The following CPSF4L variants were observed in gnomAD, a reference collection of about 807,000 sequenced individuals.
The protein encoded by CPSF4L is putative cleavage and polyadenylation specificity factor subunit 4-like protein.
Under a neutral mutation model 24.0 loss-of-function variants are expected in CPSF4L, and 18 were observed. The ratio of observed to expected loss-of-function variants is 0.75; its 90% CI spans 0.52 to 1.11. CPSF4L has a LOEUF of 1.11. Among genes scored for constraint, CPSF4L ranks in the 50% least tolerant of loss-of-function variants. CPSF4L has a pLI of 0.00. For synonymous variants in CPSF4L, 72 were observed against 77.2 expected (o/e 0.93, Z 0.35); for missense variants, 211 against 221.8 (o/e 0.95, Z 0.31).
At chr17:73,250,237 T>C in intron 5 of CPSF4L, 4 of 1,549,758 alleles carry the variant, frequency 2.6e-6, no homozygotes, top group East Asian at 2.4e-5. Flanking sequence ...GACCATAGGT[T>C]AGTTTTTAAT....
chr17:73,246,050 A>G (rs780122033), downstream of CPSF4L, among the ~76,000 whole-genome samples: 1 of 152,082 alleles, frequency 6.6e-6, no homozygotes, highest in Non-Finnish European at 1.5e-5. Flanking sequence ...AGTAACTTGG[A>G]TACTTACAGG....
rs761072945 is a variant in CPSF4L at position 73,261,003 on chromosome 17, C to T, written c.104-20G>A. 1.4e-4 allele frequency: 214 copies of T among 1,547,568 alleles called. No individual in the cohort carries two copies. Among genetic ancestry groups the T allele is most frequent in the Non-Finnish European group, 1.8e-4 (203 of 1,144,076 alleles). ...CCGACTCTGGAAGGAGAAGAGGGAA[C>T]GGAGAAGGTAGCTTCCCCAGAGGCT... On this transcript the variant is annotated intron_variant, in intron 1 of 5. Transcript: ENST00000344935.
chr17:73,245,296 G>A, downstream of CPSF4L: 2 of 1,457,646 alleles, frequency 1.4e-6, no homozygotes, highest in South Asian at 2.9e-5. Context: ...TTTGGGACAG[G>A]GAGAGGGGAG....
intron 5 of CPSF4L, chr17:73,250,186 G>A: frequency 1.3e-6 from 2 of 1,513,546 alleles, no homozygotes; most frequent in Non-Finnish European, 8.9e-7. Context: ...TGGAACTTGG[G>A]AAACAGAATC....
chr17:73,257,765 G>T lies in CPSF4L; in HGVS notation c.223C>A (p.Leu75Ile). The change falls in exon 3 of 6, where the codon CTC becomes ATC. Residue 75 changes from leucine to isoleucine, a missense_variant. Transcript: ENST00000344935. ...TTGCAGTGATCACCCTTCTTGCAGA[G>T]CCCCCGGAGCCAGTGCTTGCATACC... ...MVVCKHWLRGLCKKGDHCKFL... is the reference protein window; with the variant it reads ...MVVCKHWLRGICKKGDHCKFL... 1 of 1,551,596 alleles carries T rather than the reference G, an allele frequency of 6.4e-7. No individual in the cohort carries two copies. The highest frequency in any genetic ancestry group is 8.7e-7 in the Non-Finnish European group (1 of 1,146,972).
At chr17:73,248,141 T>C (rs553480344), downstream of CPSF4L, 1 of 248,982 alleles carries the variant, frequency 4.0e-6, no homozygotes, top group East Asian at 9.7e-5. Flanking sequence ...TGAGGATACA[T>C]TTTTCGCTCA....
intron 5 of CPSF4L, among the ~76,000 whole-genome samples, chr17:73,249,122 CAT>C (rs2061990467): frequency 1.3e-5 from 2 of 152,236 alleles, no homozygotes; most frequent in South Asian, 4.1e-4. Flanking sequence ...AGAAGTCTTA[CAT>C]GTGTTAATTC....
downstream of CPSF4L, chr17:73,248,425 GGA>G: frequency 7.5e-7 from 1 of 1,327,584 alleles, no homozygotes. Flanking sequence ...TGCTGCAGAA[GGA>G]GGGGGTAAAA....
chr17:73,245,077 C>A, downstream of CPSF4L: 1 of 1,250,644 alleles, frequency 8.0e-7, no homozygotes, highest in Non-Finnish European at 1.1e-6. Context: ...ACTTATAAAA[C>A]AAAAAGAGAA....
chr17:73,248,693 C>G (rs1691265788), intron 5 of CPSF4L, 157 bp from the exon 6 acceptor site: 1 of 757,050 alleles, frequency 1.3e-6, no homozygotes, highest in African/African-American at 1.7e-5. Flanking sequence ...TGGGAATATT[C>G]ACGGACATGC....
At chr17:73,261,976 C>A (rs2062048694), upstream of CPSF4L, 3 of 626,362 alleles carry the variant, frequency 4.8e-6, no homozygotes, top group Admixed American at 2.6e-5. Flanking sequence ...CCAGCCTGGG[C>A]TGTACAGGAG....
At chr17:73,253,082 C>T (rs577212628) in intron 4 of CPSF4L, among the ~76,000 whole-genome samples, 11 of 152,210 alleles carry the variant, frequency 7.2e-5, no homozygotes, top group East Asian at 1.9e-4. Context: ...CTGACCTGGC[C>T]GGGTGGGGTG....
intron 2 of CPSF4L, among the ~76,000 whole-genome samples, chr17:73,258,554 A>G (rs1434126803): frequency 6.7e-6 from 1 of 149,930 alleles, no homozygotes; most frequent in African/African-American, 2.5e-5. Flanking sequence ...CATCCGCCTC[A>G]GCCTCCCAAA....
chr17:73,261,973 G>A, upstream of CPSF4L: 3 of 626,674 alleles, frequency 4.8e-6, no homozygotes, highest in East Asian at 8.3e-5. Flanking sequence ...GCTCCAGCCT[G>A]GGCTGTACAG....
At chr17:73,245,687 T>TG, downstream of CPSF4L, 3 of 985,400 alleles carry the variant, frequency 3.0e-6, no homozygotes, top group Non-Finnish European at 3.6e-6. Context: ...TGATAAGGTG[T>TG]GAGAAACACA....
chr17:73,249,724 T>G (rs2061995925), intron 5 of CPSF4L: 1 of 152,164 alleles, frequency 6.6e-6, no homozygotes, highest in African/African-American at 2.4e-5. Flanking sequence ...CCGTTAAATT[T>G]TTGTGTTACT....
At chr17:73,245,238 A>G (rs2061932946), downstream of CPSF4L, 1 of 1,610,904 alleles carries the variant, frequency 6.2e-7, no homozygotes, top group Non-Finnish European at 8.5e-7. Context: ...AAGGGCGTAC[A>G]GTGGAGACGA....
chr17:73,243,041 C>CCATTCCGTTATG, the CPSF4L span: 1 of 1,503,478 alleles, frequency 6.7e-7, no homozygotes, highest in Non-Finnish European at 9.2e-7. Flanking sequence ...ATAACAGGTC[C>CCATTCCGTTATG]CATTCCGTTA....
chr17:73,242,827 T>C, the CPSF4L span: 2 of 1,282,354 alleles, frequency 1.6e-6, no homozygotes, highest in South Asian at 1.3e-5. Flanking sequence ...TGGGAAAACT[T>C]GAATGACTCG....
Sources: allele counts gnomAD v4.1 joint callset (sites outside exome capture counted in the v4.1 genomes callset), GRCh38; gene constraint gnomAD v4.1.1; transcripts MANE v1.5; gene names NCBI Gene and HGNC (gene_info 2026-07-23, HGNC 2026-07-21).